The following IQCN variants were observed in gnomAD, a reference collection of about 807,000 sequenced individuals.
IQCN encodes IQ motif containing N, also known as IQ domain-containing protein N.
In IQCN, 46 loss-of-function variants were observed where a neutral mutation model predicts 64.4. The ratio of observed to expected loss-of-function variants is 0.71; its 90% CI spans 0.56 to 0.91. IQCN has a LOEUF of 0.91. Ranked by LOEUF, IQCN falls within the 40% of genes least tolerant of loss-of-function variation. The probability of loss-of-function intolerance (pLI) is 0.00; values close to 1 mark genes in which losing one functional copy is unlikely to be tolerated. For missense variants in IQCN, 1,753 were observed against 1,857.4 expected (o/e 0.94, Z 1.03); for synonymous variants, 733 against 775.6 (o/e 0.95, Z 0.91).
chr19:18,266,194 G>A lies in IQCN; in HGVS notation c.1346C>T (p.Ala449Val), dbSNP rs532713956. Residue 449 changes from alanine to valine, a missense_variant, in exon 3 of 4, where the codon GCG becomes GTG. Coordinates refer to ENST00000392413, the MANE Select transcript of IQCN (RefSeq NM_001145304.2). The surrounding 1 kb of genome is among the most constrained non-coding windows in gnomAD (Gnocchi z 4.3). The stretch of plus-strand genomic sequence containing the variant: ...CATCTGGGGTGGGGTCTTTGCCATC[G>A]CAGGCCCCGGGCATACCTGGGGCAG... ...KSLPQVCPGP[A>V]MAKTPPQMHP... 22 of 1,614,136 alleles carry A rather than the reference G, an allele frequency of 1.4e-5. No homozygotes were observed. The highest frequency in any genetic ancestry group is 6.7e-5 in the East Asian group (3 of 44,878).
intron 1 of IQCN, among the ~76,000 whole-genome samples, chr19:18,272,447 T>C (rs1336661374): frequency 1.3e-5 from 2 of 150,398 alleles, no homozygotes; most frequent in Admixed American, 1.3e-4. Flanking sequence ...CTGTTTTTTG[T>C]GTGTGTTGAG....
chr19:18,269,686 A>T, intron 1 of IQCN, 99 bp from the exon 2 acceptor site: 1 of 518,698 alleles, frequency 1.9e-6, no homozygotes. Context: ...AAAAAAAAAA[A>T]ATGTGCAAAG....
intron 2 of IQCN, among the ~76,000 whole-genome samples, chr19:18,268,661 T>C (rs191640644): frequency 6.6e-6 from 1 of 151,720 alleles, no homozygotes; most frequent in Non-Finnish European, 1.5e-5. Flanking sequence ...AACCCGTCTC[T>C]ACTAAAAATA....
Position 18,267,198 on chromosome 19 carries a change from C to A in IQCN, c.342G>T (p.Trp114Cys). 1.9e-6 allele frequency: 3 copies of A among 1,614,286 alleles called. No individual in the cohort carries two copies. Among genetic ancestry groups the A allele is most frequent in the Non-Finnish European group, 2.5e-6 (3 of 1,180,058 alleles). ...ARAATLIQAN[W>C]RGYWLRQKLI... ...GCTTCTGCCGGAGCCAATAGCCCCT[C>A]CAGTTGGCTTGGATGAGCGTGGCTG... The change falls in exon 3 of 4, where the codon TGG becomes TGT. Residue 114 changes from tryptophan to cysteine, a missense_variant. Physicochemically the swap from Trp to Cys is radical, Grantham distance 215. Transcript: ENST00000392413.
intron 1 of IQCN, among the ~76,000 whole-genome samples, chr19:18,273,055 G>A (rs1409947684): frequency 6.6e-6 from 1 of 152,080 alleles, no homozygotes; most frequent in Non-Finnish European, 1.5e-5. Context: ...GAGATGGACG[G>A]AATCTTGCTC....
Position 18,267,462 on chromosome 19 carries a change from T to C in IQCN, c.78A>G (p.Pro26=), listed in dbSNP as rs1568281750. Residue 26 remains proline, a synonymous_variant, in exon 3 of 4, where the codon CCA becomes CCG. Transcript: ENST00000392413. ...AAGRLATVHE[P]VVTQWAVHPP... ...GATGCACCGCCCACTGGGTGACAAC[T>C]GGCTCGTGAACTGTAGCTAGGCGGC... 3.2e-6 allele frequency: 5 copies of C among 1,542,594 alleles called. No homozygotes were observed. The highest frequency in any genetic ancestry group is 3.5e-6 in the Non-Finnish European group (4 of 1,146,936).
intron 1 of IQCN, 136 bp from the exon 2 acceptor site, chr19:18,269,723 T>C (rs1026937236): frequency 4.0e-6 from 2 of 498,294 alleles, no homozygotes; most frequent in Non-Finnish European, 7.1e-6. Flanking sequence ...CAGTGTTATT[T>C]TGTAGCTAGA....
intron 3 of IQCN, chr19:18,258,755 A>C: frequency 3.7e-6 from 1 of 270,662 alleles, no homozygotes; most frequent in Non-Finnish European, 7.3e-6. Flanking sequence ...AAGCCACTGT[A>C]CCCTGAGAGT....
intron 1 of IQCN, among the ~76,000 whole-genome samples, chr19:18,272,376 C>G (rs2148113784): frequency 6.6e-6 from 1 of 152,046 alleles, no homozygotes; most frequent in South Asian, 2.1e-4. Flanking sequence ...GATCCACCCA[C>G]CTTGGCCTCC....
chr19:18,267,299 G>A lies in IQCN; in HGVS notation c.241C>T (p.Arg81Cys), dbSNP rs201925767. ...EGKTASRRVP[R>C]LRAVVESQAF... ...TGGCTCTCGACCACAGCCCGGAGGC[G>A]TGGGACGCGGCGGGACGCCGTCTTG... Residue 81 changes from arginine (R) to cysteine (C), a missense_variant, in exon 3 of 4, where the codon CGC (arginine) becomes TGC (cysteine). Physicochemically the swap from Arg to Cys is radical, Grantham distance 180 (BLOSUM62 -3). Transcript: ENST00000392413. 2.4e-5 allele frequency: 38 copies of A among 1,614,260 alleles called. No individual in the cohort carries two copies. The highest frequency in any genetic ancestry group is 9.9e-5 in the South Asian group (9 of 91,090).
rs766240895 is a variant in IQCN at position 18,265,968 on chromosome 19, T to G, written c.1572A>C (p.Thr524=). ...ILKTLCLASP[T]VANVKAPPQV... ...GGGGTGGAGCCTTGACATTTGCCAC[T>G]GTTGGAGAGGCCAGACACAGAGTCT... Residue 524 remains threonine, a synonymous_variant, in exon 3 of 4, where the codon ACA becomes ACC. Transcript: ENST00000392413. The surrounding 1 kb of genome is among the most constrained non-coding windows in gnomAD (Gnocchi z 4.7). 2.0e-5 allele frequency: 32 copies of G among 1,614,004 alleles called. No individual in the cohort carries two copies. Among genetic ancestry groups the G allele is most frequent in the Admixed American group, 3.3e-5 (2 of 59,998 alleles).
chr19:18,258,404 G>A, intron 3 of IQCN: 1 of 632,694 alleles, frequency 1.6e-6, no homozygotes, highest in Non-Finnish European at 2.9e-6. Flanking sequence ...CATACTGTAA[G>A]GGCCTAACCC....
In IQCN at chr19:18,264,674, G is replaced by C. The variant is rs531854880; in HGVS notation, c.2866C>G (p.Arg956Gly). ...GTGAGTTCCGCCCGCAGCTCGCCCCGGGACAGGGCTCGGGACAGGGTCAGG... is the reference window on the plus strand; with the variant it reads ...GTGAGTTCCGCCCGCAGCTCGCCCCCGGACAGGGCTCGGGACAGGGTCAGG... ...LRLTLSRALS[R>G]GELRAELTKV... is the part of the protein sequence containing the mutation. Residue 956 changes from arginine to glycine, a missense_variant, in exon 3 of 4, where the codon CGG becomes GGG. Coordinates refer to ENST00000392413, the MANE Select transcript of IQCN (RefSeq NM_001145304.2). This position sits in a 1 kb window ranked among gnomAD's most constrained non-coding sequence, Gnocchi z 4.3. 5.2e-6 allele frequency: 8 copies of C among 1,551,156 alleles called. No homozygotes were observed. Among genetic ancestry groups the C allele is most frequent in the Non-Finnish European group, 7.0e-6 (8 of 1,146,998 alleles).
At position 18,257,882 on chromosome 19, in the gene IQCN, C is replaced by A; in HGVS notation, c.3402G>T (p.Arg1134=). 6.2e-7 allele frequency: 1 copy of A among 1,612,482 alleles called. No individual in the cohort carries two copies. The highest frequency in any genetic ancestry group is 1.1e-5 in the South Asian group (1 of 91,076). The stretch of plus-strand genomic sequence containing the variant: ...TGACCATGGCCCCCCGGTGCCACAG[C>A]CGGATCCTGCGACGCGCCAGGTAGC... ...VRGYLARRRI[R]LWHRGAMVIQ... is the part of the protein sequence containing the mutation. The change falls in exon 4 of 4, where the codon CGG becomes CGT. Residue 1134 remains arginine (R), a synonymous_variant. Coordinates refer to ENST00000392413, the MANE Select transcript of IQCN (RefSeq NM_001145304.2).
Position 18,264,459 on chromosome 19 carries a change from C to T in IQCN, c.3081G>A (p.Val1027=). Residue 1027 remains valine, a synonymous_variant, in exon 3 of 4, where the codon GTG becomes GTA. Transcript: ENST00000392413. The surrounding 1 kb of genome is among the most constrained non-coding windows in gnomAD (Gnocchi z 4.3). ...CCTTCACCAGGGCCGGCGTCTTAGT[C>T]ACCCCGCTTCCTGTTGATTTCGAGG... ...KAASKSTGSG[V]TKTPALVKVA... The T allele has an allele frequency of 6.4e-7, 1 of 1,551,302 alleles. No individual in the cohort carries two copies. Among genetic ancestry groups the T allele is most frequent in the Non-Finnish European group, 8.7e-7 (1 of 1,146,874 alleles).
rs148730324 is a variant in IQCN, at chr19:18,266,268, C to T, written c.1272G>A (p.Thr424=). The change falls in exon 3 of 4, where the codon ACG becomes ACA. Residue 424 remains threonine (T), a synonymous_variant. Coordinates refer to ENST00000392413, the MANE Select transcript of IQCN (RefSeq NM_001145304.2). This position sits in a 1 kb window ranked among gnomAD's most constrained non-coding sequence, Gnocchi z 4.3. Reference sequence around the variant, plus strand: ...GGGAAACCTGAGGTCGGTTCTTTGCCGTGATGGTCGCAGGGCATGTCTGCC... The same window carrying T: ...GGGAAACCTGAGGTCGGTTCTTTGCTGTGATGGTCGCAGGGCATGTCTGCC... The part of the protein sequence containing the change: ...TPRQTCPATI[T]AKNRPQVSLL... The T allele has an allele frequency of 2.8e-4, 447 of 1,613,484 alleles. No homozygotes were observed. Among genetic ancestry groups the T allele is most frequent in the Admixed American group, 2.6e-3 (156 of 59,958 alleles).
chr19:18,267,643 T>C (rs1044559982), intron 2 of IQCN, 117 bp from the exon 3 acceptor site: 8 of 1,293,070 alleles, frequency 6.2e-6, no homozygotes, highest in East Asian at 2.5e-5. Context: ...CGTTGCGATC[T>C]TCCGCCTCCC....
chr19:18,257,623 A>T lies in IQCN; in HGVS notation c.3661T>A (p.Phe1221Ile). Residue 1221 changes from phenylalanine to isoleucine, a missense_variant, in exon 4 of 4, where the codon TTC (phenylalanine) becomes ATC (isoleucine). Physicochemically the swap from Phe to Ile is conservative, Grantham distance 21. Coordinates refer to ENST00000392413, the MANE Select transcript of IQCN (RefSeq NM_001145304.2). ...CAAGCGTGTGCCTGGCAGGACTGGA[A>T]GCAGCGATGGTCAGATACTGTCCTG... ...RARTVSDHRC[F>I]QSCQAHACSV... 1 of 1,612,784 alleles carries T rather than the reference A, an allele frequency of 6.2e-7. No individual in the cohort carries two copies. The highest frequency in any genetic ancestry group is 8.5e-7 in the Non-Finnish European group (1 of 1,179,954).
Position 18,265,539 on chromosome 19 carries a change from G to C in IQCN, c.2001C>G (p.Thr667=). The change falls in exon 3 of 4, where the codon ACC becomes ACG. Residue 667 remains threonine (T), a synonymous_variant. Transcript: ENST00000392413. The surrounding 1 kb of genome is among the most constrained non-coding windows in gnomAD (Gnocchi z 4.7). ...LPRGQLAAPL[T]NASSQRHPPC... Reference sequence around the variant, plus strand: ...GTGGATGTCTCTGGGATGAGGCATTGGTCAGTGGGGCAGCCAGCTGTCCCC... The same window carrying C: ...GTGGATGTCTCTGGGATGAGGCATTCGTCAGTGGGGCAGCCAGCTGTCCCC... 6.2e-7 allele frequency: 1 copy of C among 1,612,132 alleles called. No individual in the cohort carries two copies. Among genetic ancestry groups the C allele is most frequent in the Middle Eastern group, 1.7e-4 (1 of 6,054 alleles).
Sources: gnomAD v4.1 joint callset for allele counts (sites outside exome capture counted in the v4.1 genomes callset) on GRCh38, gnomAD v4.1.1 for gene constraint, Gnocchi (gnomAD v3.1) non-coding constraint, MANE v1.5 for transcripts, NCBI Gene and HGNC (gene_info 2026-07-23, HGNC 2026-07-21) for gene names.